Variants in ARL15 observed in about 807,000 individuals in gnomAD.
ARL15 encodes ARF like GTPase 15, also known as ADP-ribosylation factor-like protein 15.
In ARL15, 19 loss-of-function variants were observed where a neutral mutation model predicts 25.2. That is an observed-to-expected ratio of 0.75 (90% CI 0.53 to 1.10). The LOEUF (loss-of-function observed/expected upper bound fraction) is 1.10. ARL15 is among the 50% of genes least tolerant of loss of function. ARL15 has a pLI of 0.00. For missense variants in ARL15, 220 were observed against 246.0 expected, an observed-to-expected ratio of 0.89 and a Z score of 0.71; for synonymous variants, 94 against 86.8, an observed-to-expected ratio of 1.08 and a Z score of -0.46.
intron 4 of ARL15, among the ~76,000 whole-genome samples, chr5:53,988,181 A>G (rs933888378): frequency 2.6e-5 from 4 of 151,376 alleles, no homozygotes; most frequent in Admixed American, 2.6e-4. Flanking sequence ...CTGTGGTCCT[A>G]GGTACTCAGG....
intron 1 of ARL15, among the ~76,000 whole-genome samples, chr5:54,305,187 T>A (rs1313956473): frequency 6.6e-6 from 1 of 152,104 alleles, no homozygotes; most frequent in Admixed American, 6.6e-5. Context: ...AACTAACCTA[T>A]CAAATCTAAT....
intron 4 of ARL15, among the ~76,000 whole-genome samples, chr5:54,095,310 A>G (rs1752252847): frequency 6.6e-6 from 1 of 152,192 alleles, no homozygotes; most frequent in African/African-American, 2.4e-5. Flanking sequence ...GTATATTTAG[A>G]AAATTTATAG....
rs998379246 is a variant in ARL15, at chr5:54,074,893, A to T, written c.462+38309T>A. On this transcript the variant is annotated intron_variant, in intron 4 of 4. Coordinates refer to ENST00000504924, the MANE Select transcript of ARL15 (RefSeq NM_019087.3). ...CCATTTGCCCATATTTCACTTCCCCAGGTCTCAGTGGTAGCAATCTTCACA... is the reference window on the plus strand; with the variant it reads ...CCATTTGCCCATATTTCACTTCCCCTGGTCTCAGTGGTAGCAATCTTCACA... Among the ~76,000 whole-genome samples, 30 of 151,518 alleles carry T rather than the reference A, an allele frequency of 2.0e-4. 1 individual carries two copies. The highest frequency in any genetic ancestry group is 7.0e-4 in the African/African-American group (29 of 41,274).
chr5:54,303,720 A>C (rs575591177), intron 1 of ARL15, among the ~76,000 whole-genome samples: 17 of 149,914 alleles, frequency 1.1e-4, no homozygotes, highest in African/African-American at 3.7e-4. Flanking sequence ...GAGAGGAAAA[A>C]AAGAAGAAAA....
chr5:54,230,082 C>G lies in ARL15; in HGVS notation c.49-58154G>C, dbSNP rs146025637. ...CAAAAAACATTTTTAGAGCAGTGCT[C>G]TGCTCACCCCTGTAATCCCAGCACT... On this transcript the variant is annotated intron_variant, in intron 1 of 4. Coordinates refer to ENST00000504924, the MANE Select transcript of ARL15 (RefSeq NM_019087.3). Among the ~76,000 whole-genome samples, 911 of 152,130 alleles carry G rather than the reference C, an allele frequency of 6.0e-3. 7 individuals carry two copies. Among genetic ancestry groups the G allele is most frequent in the Non-Finnish European group, 6.6e-3 (450 of 67,968 alleles).
chr5:54,120,203 T>C (rs1036021332), intron 3 of ARL15, among the ~76,000 whole-genome samples: 1 of 152,196 alleles, frequency 6.6e-6, no homozygotes, highest in African/African-American at 2.4e-5. Flanking sequence ...TTGATGGTGG[T>C]GGCTTGAGTA....
chr5:54,070,218 C>T (rs1032682902), intron 4 of ARL15, among the ~76,000 whole-genome samples: 1 of 151,286 alleles, frequency 6.6e-6, no homozygotes, highest in East Asian at 2.0e-4. Flanking sequence ...CGGTGAAACC[C>T]CATCTCTACT....
chr5:54,237,383 G>A (rs1756838401), intron 1 of ARL15, among the ~76,000 whole-genome samples: 1 of 152,126 alleles, frequency 6.6e-6, no homozygotes, highest in South Asian at 2.1e-4. Context: ...TTAGCAGCAT[G>A]AGAATGGACT....
chr5:54,073,475 A>G (rs1464264573), intron 4 of ARL15, among the ~76,000 whole-genome samples: 1 of 152,214 alleles, frequency 6.6e-6, no homozygotes, highest in Non-Finnish European at 1.5e-5. Flanking sequence ...ATGTACTGAC[A>G]TATAGGTTTC....
At chr5:53,919,255 T>C (rs1015819049) in intron 4 of ARL15, among the ~76,000 whole-genome samples, 1 of 152,124 alleles carries the variant, frequency 6.6e-6, no homozygotes, top group African/African-American at 2.4e-5. Flanking sequence ...ATATACTGAG[T>C]GGTAAATAGC....
At chr5:54,116,356 C>G (rs1192561572) in intron 3 of ARL15, among the ~76,000 whole-genome samples, 1 of 152,044 alleles carries the variant, frequency 6.6e-6, no homozygotes, top group East Asian at 1.9e-4. Flanking sequence ...CTGCTACAGG[C>G]TACATCCAGA....
At chr5:54,116,099 T>G (rs896969131) in intron 3 of ARL15, among the ~76,000 whole-genome samples, 1 of 152,136 alleles carries the variant, frequency 6.6e-6, no homozygotes, top group African/African-American at 2.4e-5. Context: ...AGTTGTCTAG[T>G]CCAAAGGCAA....
intron 3 of ARL15, among the ~76,000 whole-genome samples, chr5:54,143,074 A>AAC: frequency 6.6e-6 from 1 of 152,306 alleles, no homozygotes; most frequent in Admixed American, 6.5e-5. Flanking sequence ...TAATTCAAAG[A>AAC]ACATATATTT....
chr5:54,137,646 C>A (rs1270776194), intron 3 of ARL15, among the ~76,000 whole-genome samples: 1 of 152,156 alleles, frequency 6.6e-6, no homozygotes, highest in Admixed American at 6.5e-5. Context: ...CAGGCTCTTA[C>A]CTACTAGATT....
intron 1 of ARL15, among the ~76,000 whole-genome samples, chr5:54,275,778 C>A (rs373327475): frequency 6.6e-6 from 1 of 151,532 alleles, no homozygotes; most frequent in East Asian, 1.9e-4. Flanking sequence ...TCTGCCTCCC[C>A]GGTTCACGCT....
rs1487977889 is a variant in ARL15, at chr5:54,171,914, A to C, written c.63T>G (p.Leu21=). Residue 21 remains leucine, a synonymous_variant, in exon 2 of 5, where the codon CTT becomes CTG. Coordinates refer to ENST00000504924, the MANE Select transcript of ARL15 (RefSeq NM_019087.3). ...LYMDYLCFRA[L]CCKGPPPARP... is the part of the protein sequence containing the mutation. ...GTGCAGGTGGTGGTCCCTTGCAGCA[A>C]AGTGCTCTAAAACACTGCCAAAAGA... 6.2e-7 allele frequency: 1 copy of C among 1,612,876 alleles called. No individual in the cohort carries two copies. Among genetic ancestry groups the C allele is most frequent in the African/African-American group, 1.3e-5 (1 of 74,906 alleles).
At chr5:53,934,667 A>C (rs1237995036) in intron 4 of ARL15, among the ~76,000 whole-genome samples, 1 of 152,182 alleles carries the variant, frequency 6.6e-6, no homozygotes, top group East Asian at 1.9e-4. Flanking sequence ...TCAAAAGATA[A>C]AAGCATCATT....
intron 3 of ARL15, among the ~76,000 whole-genome samples, chr5:54,127,703 A>C (rs1441372075): frequency 1.3e-5 from 2 of 151,766 alleles, no homozygotes; most frequent in African/African-American, 4.8e-5. Context: ...AAGAGCCCGC[A>C]TCACCAAGTC....
chr5:53,972,562 G>GTT (rs753965450), intron 4 of ARL15, among the ~76,000 whole-genome samples: 1 of 150,684 alleles, frequency 6.6e-6, no homozygotes, highest in Non-Finnish European at 1.5e-5. Context: ...GGTAACATTT[G>GTT]TTTCTTTTTT....
Sources: allele counts gnomAD v4.1 joint callset (sites outside exome capture counted in the v4.1 genomes callset), GRCh38; gene constraint gnomAD v4.1.1; transcripts MANE v1.5; gene names NCBI Gene and HGNC (gene_info 2026-07-23, HGNC 2026-07-21).